The following PLCL2 variants were observed in gnomAD, a reference collection of about 807,000 sequenced individuals.
PLCL2 encodes the protein inactive phospholipase C-like protein 2.
In PLCL2, 4 loss-of-function variants were observed where a neutral mutation model predicts 79.6. The ratio of observed to expected loss-of-function variants is 0.05; its 90% CI spans 0.02 to 0.11. PLCL2 has a LOEUF of 0.11. Among genes scored for constraint, PLCL2 ranks in the 10% least tolerant of loss-of-function variants. The probability of loss-of-function intolerance (pLI) is 1.00; values close to 1 mark genes in which losing one functional copy is unlikely to be tolerated. For synonymous variants in PLCL2, 484 were observed against 457.7 expected (o/e 1.06, Z -0.73); for missense variants, 895 against 1,291.0 (o/e 0.69, Z 4.70).
rs776718002 is a variant in PLCL2 at position 17,010,850 on chromosome 3, A to G, written c.1504A>G (p.Ile502Val). Residue 502 changes from isoleucine to valine, a missense_variant, in exon 2 of 6, where the codon ATT (isoleucine) becomes GTT (valine). Ile to Val is a conservative substitution (Grantham distance 29). Transcript: ENST00000615277. This position sits in a 1 kb window ranked among gnomAD's most constrained non-coding sequence, Gnocchi z 5.8. ...GATAGTTTTCCGCAGTGTCATTGAT[A>G]TTATTAACAAGTATGCATTCTTTGC... ...SQIVFRSVID[I>V]INKYAFFASE... 1.2e-5 allele frequency: 20 copies of G among 1,614,076 alleles called. No individual in the cohort carries two copies. In the East Asian group the frequency reaches 4.0e-4, roughly 32 times the overall value.
At chr3:16,939,646 A>G (rs935851719) in intron 1 of PLCL2, among the ~76,000 whole-genome samples, 1 of 152,256 alleles carries the variant, frequency 6.6e-6, no homozygotes, top group Non-Finnish European at 1.5e-5. Context: ...AATAAAATTT[A>G]TAAAGATGGA....
At chr3:17,004,407 A>G (rs890126797) in intron 1 of PLCL2, among the ~76,000 whole-genome samples, 16 of 152,146 alleles carry the variant, frequency 1.1e-4, no homozygotes, top group African/African-American at 2.4e-5. Flanking sequence ...ACAGAAGAGG[A>G]GCGCCCATGG....
intron 1 of PLCL2, among the ~76,000 whole-genome samples, chr3:16,968,601 T>G (rs13317381): frequency 0.58 from 88,629 of 151,910 alleles, 26,088 homozygotes; most frequent in African/African-American, 0.65. Flanking sequence ...AAATGCTATT[T>G]ATTTTTGTAC....
intron 1 of PLCL2, among the ~76,000 whole-genome samples, chr3:16,891,843 G>A (rs2124914925): frequency 6.6e-6 from 1 of 152,284 alleles, no homozygotes. Context: ...CCTTTATGGT[G>A]ACACCTCTGT....
At chr3:17,022,126 T>C (rs76151848) in intron 3 of PLCL2, among the ~76,000 whole-genome samples, 1,941 of 152,302 alleles carry the variant, frequency 0.013, 24 homozygotes, top group Middle Eastern at 0.027. Flanking sequence ...GGCAGATTGC[T>C]AATTTTTCAA....
intron 1 of PLCL2, among the ~76,000 whole-genome samples, chr3:16,906,946 G>T (rs1412767526): frequency 6.6e-6 from 1 of 152,156 alleles, no homozygotes; most frequent in Non-Finnish European, 1.5e-5. Context: ...AACTTGGAAG[G>T]TGTTTTTTCC....
intron 1 of PLCL2, among the ~76,000 whole-genome samples, chr3:16,981,599 G>A (rs1020216023): frequency 3.3e-5 from 5 of 152,084 alleles, no homozygotes; most frequent in African/African-American, 1.2e-4. Context: ...TTCTTATTTC[G>A]TTTGCAGCAT....
chr3:17,045,180 T>C (rs1299639866), intron 4 of PLCL2, among the ~76,000 whole-genome samples: 1 of 152,220 alleles, frequency 6.6e-6, no homozygotes, highest in Non-Finnish European at 1.5e-5. Flanking sequence ...AAGATCTTAC[T>C]TTTGATAAGT....
At chr3:16,905,193 G>A (rs1485770822) in intron 1 of PLCL2, among the ~76,000 whole-genome samples, 1 of 152,172 alleles carries the variant, frequency 6.6e-6, no homozygotes, top group African/African-American at 2.4e-5. Flanking sequence ...GCCACAGAAG[G>A]CCCCAGGGTG....
At chr3:17,049,499 A>G (rs1047613924) in intron 4 of PLCL2, among the ~76,000 whole-genome samples, 15 of 152,222 alleles carry the variant, frequency 9.9e-5, no homozygotes, top group African/African-American at 1.4e-4. Flanking sequence ...ATACAAAATC[A>G]GCATGCAAAA....
intron 3 of PLCL2, among the ~76,000 whole-genome samples, chr3:17,028,442 CTTATAA>C (rs997938722): frequency 4.0e-5 from 6 of 151,680 alleles, no homozygotes; most frequent in African/African-American, 1.2e-4. Context: ...CTCGTCACAA[CTTATAA>C]TTATACATTC....
intron 1 of PLCL2, among the ~76,000 whole-genome samples, chr3:16,935,031 A>G (rs187098463): frequency 2.0e-4 from 31 of 152,332 alleles, no homozygotes; most frequent in African/African-American, 5.1e-4. Context: ...TAATACGCCA[A>G]TTGTCCATTA....
intron 1 of PLCL2, among the ~76,000 whole-genome samples, chr3:16,966,893 T>C (rs1336838000): frequency 2.6e-5 from 4 of 152,064 alleles, no homozygotes; most frequent in Non-Finnish European, 5.9e-5. Flanking sequence ...TAGTACCTGT[T>C]AGGTAGTGTT....
chr3:17,047,644 C>A (rs573049041), intron 4 of PLCL2, among the ~76,000 whole-genome samples: 14 of 152,280 alleles, frequency 9.2e-5, no homozygotes, highest in Non-Finnish European at 1.3e-4. Context: ...TCTTATCCAT[C>A]CCTGCTTTCT....
intron 1 of PLCL2, among the ~76,000 whole-genome samples, chr3:16,910,667 G>A (rs1458256538): frequency 2.6e-5 from 4 of 151,152 alleles, no homozygotes; most frequent in Non-Finnish European, 4.4e-5. Flanking sequence ...TCTCTACCCC[G>A]ACTCTCTTCT....
rs549335158 is a variant in PLCL2 at position 16,965,798 on chromosome 3, T to C, written c.328-43876T>C. ...CTTTGAAGCAATTGTGAATGGGAGT[T>C]CACTCATGATTTGGCTCTCTGTTTG... is the stretch of plus-strand genomic sequence containing the variant. On this transcript the variant is annotated intron_variant, in intron 1 of 5. Coordinates refer to ENST00000615277, the MANE Select transcript of PLCL2 (RefSeq NM_001144382.2). Among the ~76,000 whole-genome samples, 48 of 151,832 alleles carry C rather than the reference T, an allele frequency of 3.2e-4. No homozygotes were observed. In the Middle Eastern group the frequency reaches 0.01, roughly 32 times the overall value.
chr3:17,036,717 G>A lies in PLCL2; in HGVS notation c.3019-6157G>A, dbSNP rs143765574. On this transcript the variant is annotated intron_variant, in intron 3 of 5. Transcript: ENST00000615277. The stretch of plus-strand genomic sequence containing the variant: ...ACCCACCAGGGACGTTGAGCTTTAA[G>A]AGGCTGTTTTAGTCCATTTTGTGTT... 5.9e-3 allele frequency among the ~76,000 whole-genome samples: 905 copies of A among 152,318 alleles called. 10 individuals are homozygous for A. Among genetic ancestry groups the A allele is most frequent in the African/African-American group, 0.021 (859 of 41,584 alleles).
chr3:16,980,076 C>T lies in PLCL2; in HGVS notation c.328-29598C>T, dbSNP rs1185709807. The stretch of plus-strand genomic sequence containing the variant: ...GGTGCCCCTCACCTCCGGGACGGGG[C>T]GGCTGGCCAGGTAGGGGGCTGACCA... On this transcript the variant is annotated intron_variant, in intron 1 of 5. Transcript: ENST00000615277. Among the ~76,000 whole-genome samples the T allele has an allele frequency of 5.1e-4, 66 of 130,082 alleles. 1 individual carries two copies. Among genetic ancestry groups the T allele is most frequent in the African/African-American group, 1.4e-3 (47 of 33,138 alleles). 85.3% of individuals were successfully genotyped at this position (130,082 alleles called of 152,430 possible).
intron 4 of PLCL2, among the ~76,000 whole-genome samples, chr3:17,056,223 T>G (rs1280131885): frequency 6.6e-6 from 1 of 152,192 alleles, no homozygotes; most frequent in Non-Finnish European, 1.5e-5. Context: ...ATTCCCATTA[T>G]AATTTCTTAT....
Sources: allele counts gnomAD v4.1 joint callset (sites outside exome capture counted in the v4.1 genomes callset), GRCh38; gene constraint gnomAD v4.1.1; non-coding constraint Gnocchi (gnomAD v3.1); transcripts MANE v1.5; gene names NCBI Gene and HGNC (gene_info 2026-07-23, HGNC 2026-07-21).